The following FGF1 variants were observed in gnomAD, a reference collection of about 807,000 sequenced individuals.
FGF1 encodes the protein beta-endothelial cell growth factor.
A neutral mutation model predicts 13.4 loss-of-function variants in FGF1; 9 were observed. The ratio of observed to expected loss-of-function variants is 0.67; its 90% CI spans 0.40 to 1.17. The LOEUF (loss-of-function observed/expected upper bound fraction) is 1.17, where lower values mean the gene tolerates loss of function less well. FGF1 is among the 50% of genes most tolerant of loss of function. The pLI is 0.01. For synonymous variants in FGF1, 93 were observed against 79.0 expected, an observed-to-expected ratio of 1.18 and a Z score of -0.94; for missense variants, 156 against 192.7, an observed-to-expected ratio of 0.81 and a Z score of 1.13.
chr5:142,634,874 CTT>C (rs56711125), intron 1 of FGF1, among the ~76,000 whole-genome samples: 1 of 143,316 alleles, frequency 7.0e-6, no homozygotes, highest in Non-Finnish European at 1.5e-5. Flanking sequence ...CTTTTTTTTT[CTT>C]TTTTTTTTTT....
chr5:142,608,168 T>C (rs1246254598), intron 2 of FGF1, among the ~76,000 whole-genome samples: 3 of 152,126 alleles, frequency 2.0e-5, no homozygotes, highest in Non-Finnish European at 4.4e-5. Flanking sequence ...AGACCACAAC[T>C]GGTGCATTCA....
chr5:142,680,101 C>T (rs557857837), intron 1 of FGF1: 6 of 152,226 alleles, frequency 3.9e-5, no homozygotes, highest in African/African-American at 1.4e-4. Flanking sequence ...GGAGTAGGAC[C>T]CACCCTAATG....
At chr5:142,665,665 C>T (rs1770170300) in intron 1 of FGF1, among the ~76,000 whole-genome samples, 1 of 152,112 alleles carries the variant, frequency 6.6e-6, no homozygotes, top group South Asian at 2.1e-4. Flanking sequence ...TCCTGTCTAC[C>T]AATAAAGCTT....
At chr5:142,667,062 A>G (rs1321333220) in intron 1 of FGF1, among the ~76,000 whole-genome samples, 1 of 152,054 alleles carries the variant, frequency 6.6e-6, no homozygotes, top group African/African-American at 2.4e-5. Context: ...CAGGCGCATC[A>G]CAAGTTCAGG....
Position 142,696,986 on chromosome 5 carries a change from G to A in FGF1, c.-35+636C>T, listed in dbSNP as rs148395339. 2.0e-3 allele frequency among the ~76,000 whole-genome samples: 312 copies of A among 152,316 alleles called. 2 individuals carry two copies. Among genetic ancestry groups the A allele is most frequent in the East Asian group, 0.011 (55 of 5,178 alleles). On this transcript the variant is annotated intron_variant, in intron 2 of 4. Coordinates refer to the FGF1 transcript ENST00000407758. ...TTCTATGAGGAGGCATTATAGGGGA[G>A]ACCGAGGCTGCAAAATCTGTTTCTC...
At position 142,614,093 on chromosome 5, in the gene FGF1, A is replaced by G. The variant is rs1403446036; in HGVS notation, c.35T>C (p.Leu12Pro). 1.9e-6 allele frequency: 3 copies of G among 1,614,226 alleles called. No homozygotes were observed. In the Admixed American group the frequency reaches 5.0e-5, roughly 27 times the overall value. ...AEGEITTFTA[L>P]TEKFNLPPGN... ...TGGAGGCAGATTAAACTTCTCGGTC[A>G]GGGCTGTGAAGGTGGTGATTTCCCC... is the stretch of plus-strand genomic sequence containing the variant. The change falls in exon 2 of 4, where the codon CTG (leucine) becomes CCG (proline). Residue 12 changes from leucine to proline, a missense_variant. Transcript: ENST00000337706.
rs189804778 is a variant in FGF1 at position 142,624,190 on chromosome 5, G to T, written c.-34-10029C>A. ...CTGCCTCAGCCTCCCAAAGGGCTGGGATTACAGGCGTGAGCCACCATGCCC... is the reference window on the plus strand; with the variant it reads ...CTGCCTCAGCCTCCCAAAGGGCTGGTATTACAGGCGTGAGCCACCATGCCC... On this transcript the variant is annotated intron_variant, in intron 1 of 3. Coordinates refer to ENST00000337706, the MANE Select transcript of FGF1 (RefSeq NM_000800.5). Among the ~76,000 whole-genome samples, 12 of 152,284 alleles carry T rather than the reference G, an allele frequency of 7.9e-5. No homozygotes were observed. The East Asian group carries it at 2.3e-3, about 29-fold the overall frequency.
intron 1 of FGF1, among the ~76,000 whole-genome samples, chr5:142,653,105 G>T (rs1767548441): frequency 6.6e-6 from 1 of 152,114 alleles, no homozygotes; most frequent in Non-Finnish European, 1.5e-5. Context: ...TCTCCAGAAA[G>T]CCAGCGGTTA....
intron 1 of FGF1, among the ~76,000 whole-genome samples, chr5:142,656,947 C>T (rs894914898): frequency 1.3e-5 from 2 of 151,594 alleles, no homozygotes; most frequent in Non-Finnish European, 2.9e-5. Flanking sequence ...GACAGAGTTT[C>T]GCTTTTGTTG....
At position 142,646,780 on chromosome 5, in the gene FGF1, C is replaced by G. The variant is rs181674259; in HGVS notation, c.-34-32619G>C. Among the ~76,000 whole-genome samples, 5 of 152,366 alleles carry G rather than the reference C, an allele frequency of 3.3e-5. No individual in the cohort carries two copies. In the East Asian group the frequency reaches 9.6e-4, roughly 29 times the overall value. The stretch of plus-strand genomic sequence containing the variant: ...GTGCTAGGATTACAGGTGTGAGCCA[C>G]TGCGCCCGGCCTTTTCTCTCCTTTT... On this transcript the variant is annotated intron_variant, in intron 1 of 3. Coordinates refer to ENST00000337706, the MANE Select transcript of FGF1 (RefSeq NM_000800.5).
chr5:142,594,991 A>AGCCCC lies in FGF1; in HGVS notation c.*294_*298dup, dbSNP rs1320532980. 3.1e-6 allele frequency: 1 copy of AGCCCC among 321,756 alleles called. No individual in the cohort carries two copies. Among genetic ancestry groups the AGCCCC allele is most frequent in the Admixed American group, 4.6e-5 (1 of 21,878 alleles). 19.9% of individuals were successfully genotyped at this position (321,756 alleles called of 1,614,324 possible). ...GCCGACCCCTTAACACACTTCATTT[A>AGCCCC]GCCCCACTTTTGCATGGAGGGACTC... On this transcript the variant is annotated 3_prime_UTR_variant, in exon 4 of 4. Coordinates refer to ENST00000337706, the MANE Select transcript of FGF1 (RefSeq NM_000800.5).
chr5:142,604,719 T>G (rs1488500464), intron 2 of FGF1, among the ~76,000 whole-genome samples: 1 of 152,108 alleles, frequency 6.6e-6, no homozygotes, highest in Non-Finnish European at 1.5e-5. Flanking sequence ...GAGCTGAAGT[T>G]TGGTGAGAGT....
rs201304134 is a variant in FGF1 at position 142,638,049 on chromosome 5, G to A, written c.-34-23888C>T. Among the ~76,000 whole-genome samples, 6 of 152,074 alleles carry A rather than the reference G, an allele frequency of 3.9e-5. No individual in the cohort carries two copies. The East Asian group carries it at 5.8e-4, about 15-fold the overall frequency. ...TGTTCTGGCTGCATCCTCAGACAGC[G>A]AACAAAGCATGGCAGTGAACAAAGC... On this transcript the variant is annotated intron_variant, in intron 1 of 3. Transcript: ENST00000337706.
At chr5:142,666,785 T>A (rs930598763) in intron 1 of FGF1, among the ~76,000 whole-genome samples, 1 of 150,812 alleles carries the variant, frequency 6.6e-6, no homozygotes, top group South Asian at 2.1e-4. Context: ...ATTTTTTTTT[T>A]AATTAGGCAG....
chr5:142,605,735 T>C (rs919423337), intron 2 of FGF1, among the ~76,000 whole-genome samples: 4 of 152,242 alleles, frequency 2.6e-5, no homozygotes, highest in African/African-American at 9.6e-5. Context: ...ACTAGATTTC[T>C]TTCTGGCTAA....
intron 1 of FGF1, among the ~76,000 whole-genome samples, chr5:142,662,688 A>C (rs371496311): frequency 6.6e-6 from 1 of 152,308 alleles, no homozygotes; most frequent in African/African-American, 2.4e-5. Flanking sequence ...CTGTGTATGG[A>C]GTGCGTGAAT....
At chr5:142,666,276 TAATACACACACA>T (rs1464710394) in intron 1 of FGF1, among the ~76,000 whole-genome samples, 8 of 81,632 alleles carry the variant, frequency 9.8e-5, no homozygotes, top group South Asian at 7.6e-4. Context: ...AAGGAGCATG[TAATACACACACA>T]CACACACACA....
intron 1 of FGF1, among the ~76,000 whole-genome samples, chr5:142,659,544 C>A: frequency 6.6e-6 from 1 of 152,100 alleles, no homozygotes; most frequent in Non-Finnish European, 1.5e-5. Flanking sequence ...TAAGGGGGAA[C>A]TTTGAAGCAG....
At position 142,613,966 on chromosome 5, in the gene FGF1, G is replaced by T. The variant is rs770662903; in HGVS notation, c.162C>A (p.Asp54Glu). 3 of 1,613,862 alleles carry T rather than the reference G, an allele frequency of 1.9e-6. No individual in the cohort carries two copies. Among genetic ancestry groups the T allele is most frequent in the South Asian group, 2.2e-5 (2 of 91,028 alleles). The change falls in exon 2 of 4, where the codon GAC becomes GAA. Residue 54 changes from aspartate (D) to glutamate (E), a missense_variant. Physicochemically the swap from Asp to Glu is conservative, Grantham distance 45. Transcript: ENST00000337706. ...CCATAGAGATGGGCTTACTGTGCTG[G>T]TCGCTCCTGTCCCTTGTCCCATCCA... ...GTVDGTRDRS[D>E]QHIQLQLSAE...
Sources: allele counts gnomAD v4.1 joint callset (sites outside exome capture counted in the v4.1 genomes callset), GRCh38; gene constraint gnomAD v4.1.1; transcripts MANE v1.5; gene names NCBI Gene and HGNC (gene_info 2026-07-23, HGNC 2026-07-21).